Variants in RBPJ observed in about 807,000 individuals in gnomAD.
RBPJ encodes recombination signal binding protein for immunoglobulin kappa J region.
In RBPJ, 9 loss-of-function variants were observed where a neutral mutation model predicts 67.8. That is an observed-to-expected ratio of 0.13 (90% CI 0.08 to 0.23). The LOEUF is 0.23. Among genes scored for constraint, RBPJ ranks in the 10% least tolerant of loss-of-function variants. The pLI, the probability that RBPJ is intolerant of heterozygous loss-of-function variation, is 1.00. For synonymous variants in RBPJ, 198 were observed against 203.3 expected (o/e 0.97, Z 0.22); for missense variants, 305 against 595.6 (o/e 0.51, Z 5.08).
intron 1 of RBPJ, among the ~76,000 whole-genome samples, chr4:26,255,701 C>G (rs1409015294): frequency 2.7e-5 from 4 of 150,370 alleles, no homozygotes; most frequent in African/African-American, 9.8e-5. Context: ...ACGCGGGAGG[C>G]TGAGGCAGGA....
intron 1 of RBPJ, among the ~76,000 whole-genome samples, chr4:26,289,726 T>A (rs1224097028): frequency 6.6e-6 from 1 of 150,584 alleles, no homozygotes. Context: ...CACCTGTAAG[T>A]TGGTTAATAT....
intron 1 of RBPJ, among the ~76,000 whole-genome samples, chr4:26,277,730 T>C (rs1401081480): frequency 6.6e-6 from 1 of 152,272 alleles, no homozygotes; most frequent in Non-Finnish European, 1.5e-5. Context: ...AGACTTAGTA[T>C]GCTCATATGG....
intron 1 of RBPJ, among the ~76,000 whole-genome samples, chr4:26,338,155 TC>T (rs1725082218): frequency 7.0e-6 from 1 of 143,656 alleles, no homozygotes; most frequent in Non-Finnish European, 1.5e-5. Flanking sequence ...TATTTTTCTT[TC>T]TTTTTTTTTT....
At chr4:26,175,314 T>G (rs908405772) in intron 1 of RBPJ, among the ~76,000 whole-genome samples, 1 of 151,892 alleles carries the variant, frequency 6.6e-6, no homozygotes, top group Non-Finnish European at 1.5e-5. Flanking sequence ...GTGATGTGCA[T>G]GACTCGGGAG....
chr4:26,359,370 CT>C (rs938915657), intron 1 of RBPJ, among the ~76,000 whole-genome samples: 1 of 150,372 alleles, frequency 6.7e-6, no homozygotes, highest in Non-Finnish European at 1.5e-5. Flanking sequence ...ATACCCAAAC[CT>C]TTCCTAATAA....
chr4:26,255,661 G>A (rs983582832), intron 1 of RBPJ, among the ~76,000 whole-genome samples: 7 of 151,328 alleles, frequency 4.6e-5, no homozygotes, highest in African/African-American at 1.7e-4. Flanking sequence ...AATTAGCCAG[G>A]CGTGGTGGCA....
intron 1 of RBPJ, among the ~76,000 whole-genome samples, chr4:26,259,660 A>G (rs1720463463): frequency 6.6e-6 from 1 of 152,190 alleles, no homozygotes; most frequent in African/African-American, 2.4e-5. Context: ...AATTTGCTTA[A>G]CCTCAATTTT....
intron 1 of RBPJ, among the ~76,000 whole-genome samples, chr4:26,245,821 A>G (rs377362882): frequency 8.5e-5 from 13 of 152,194 alleles, no homozygotes; most frequent in African/African-American, 3.1e-4. Flanking sequence ...TGAAAAGACT[A>G]TTCTTTCCTC....
intron 1 of RBPJ, among the ~76,000 whole-genome samples, chr4:26,287,489 G>T (rs780912058): frequency 1.3e-5 from 2 of 150,328 alleles, no homozygotes; most frequent in Non-Finnish European, 2.9e-5. Flanking sequence ...GGAGATGGAG[G>T]CTACAGTAAG....
upstream of RBPJ, among the ~76,000 whole-genome samples, chr4:26,316,405 A>T (rs1170859207): frequency 7.1e-6 from 1 of 139,946 alleles, no homozygotes; most frequent in Non-Finnish European, 1.5e-5. Flanking sequence ...ATACATTCAT[A>T]TATATACATT....
intron 1 of RBPJ, among the ~76,000 whole-genome samples, chr4:26,284,648 T>C (rs1172356070): frequency 1.3e-5 from 2 of 152,040 alleles, no homozygotes; most frequent in Non-Finnish European, 2.9e-5. Context: ...TTTCTATTTT[T>C]GGTGGAGATG....
intron 1 of RBPJ, among the ~76,000 whole-genome samples, chr4:26,341,587 C>G (rs1301451590): frequency 2.0e-5 from 3 of 151,664 alleles, no homozygotes; most frequent in African/African-American, 4.8e-5. Flanking sequence ...GCACTCCACC[C>G]TGGGTGACAG....
At chr4:26,168,233 A>G (rs6448438) in intron 1 of RBPJ, among the ~76,000 whole-genome samples, 146,202 of 152,192 alleles carry the variant, frequency 0.96, 70,296 homozygotes, top group Non-Finnish European at 0.99. Flanking sequence ...TCCATGTTTA[A>G]TGCTTCCTTC....
chr4:26,430,151 C>A lies in RBPJ; in HGVS notation c.1044+98C>A. The A allele has an allele frequency of 7.3e-7, 1 of 1,374,936 alleles. No individual in the cohort carries two copies. Among genetic ancestry groups the A allele is most frequent in the Non-Finnish European group, 1.0e-6 (1 of 970,512 alleles). 85.2% of individuals were successfully genotyped at this position (1,374,936 alleles called of 1,614,324 possible). ...TTTCATGGGAGTTTTGATTTTTCTC[C>A]AATCGTCTGATTAGGGGATTTTTAT... is the stretch of plus-strand genomic sequence containing the variant. On this transcript the variant is annotated intron_variant, in intron 9 of 10. Coordinates refer to ENST00000355476, the MANE Select transcript of RBPJ (RefSeq NM_015874.6). This position sits in a 1 kb window ranked among gnomAD's most constrained non-coding sequence, Gnocchi z 4.1.
intron 1 of RBPJ, among the ~76,000 whole-genome samples, chr4:26,327,844 CA>C (rs1240318243): frequency 2.0e-5 from 3 of 149,354 alleles, no homozygotes; most frequent in South Asian, 4.2e-4. Flanking sequence ...GACCCTGTCT[CA>C]AAAAAAAAGT....
chr4:26,271,934 G>GTATA (rs1211661666), intron 1 of RBPJ, among the ~76,000 whole-genome samples: 1 of 152,204 alleles, frequency 6.6e-6, no homozygotes, highest in African/African-American at 2.4e-5. Context: ...GTGGGCACAG[G>GTATA]TATATAGGCA....
intron 1 of RBPJ, among the ~76,000 whole-genome samples, chr4:26,329,561 C>T (rs56352330): frequency 0.52 from 78,614 of 151,764 alleles, 20,416 homozygotes; most frequent in Admixed American, 0.57. Context: ...AAAATAATAC[C>T]TCATGGTATT....
chr4:26,175,381 G>A (rs1010108233), intron 1 of RBPJ, among the ~76,000 whole-genome samples: 1 of 152,050 alleles, frequency 6.6e-6, no homozygotes, highest in Non-Finnish European at 1.5e-5. Flanking sequence ...TTGAGCTGGG[G>A]GGGGGATTTG....
the RBPJ span, among the ~76,000 whole-genome samples, chr4:26,137,401 C>A: frequency 6.6e-6 from 1 of 152,192 alleles, no homozygotes; most frequent in Non-Finnish European, 1.5e-5. Flanking sequence ...AGGCCTTGAA[C>A]TTCTTTCTTG....
Sources: allele counts gnomAD v4.1 joint callset (sites outside exome capture counted in the v4.1 genomes callset), GRCh38; gene constraint gnomAD v4.1.1; non-coding constraint Gnocchi (gnomAD v3.1); transcripts MANE v1.5; gene names NCBI Gene and HGNC (gene_info 2026-07-23, HGNC 2026-07-21).